GPHN: variants seen among roughly 807,000 people sequenced by gnomAD.
GPHN encodes the protein gephyrin.
A neutral mutation model predicts 95.5 loss-of-function variants in GPHN; 17 were observed. The ratio of observed to expected loss-of-function variants is 0.18; its 90% CI spans 0.12 to 0.27. The LOEUF is 0.27. Among genes scored for constraint, GPHN ranks in the 10% least tolerant of loss-of-function variants. GPHN has a pLI of 1.00. For missense variants in GPHN, 660 were observed against 978.1 expected, an observed-to-expected ratio of 0.67 and a Z score of 4.34; for synonymous variants, 320 against 322.5, an observed-to-expected ratio of 0.99 and a Z score of 0.08.
At chr14:67,019,544 C>T (rs2073491945) in intron 9 of GPHN, among the ~76,000 whole-genome samples, 1 of 152,102 alleles carries the variant, frequency 6.6e-6, no homozygotes, top group Admixed American at 6.6e-5. Context: ...TTTGTGTTAA[C>T]CTGCAATCAA....
the GPHN span, among the ~76,000 whole-genome samples, chr14:67,300,295 T>C: frequency 6.6e-6 from 1 of 151,608 alleles, no homozygotes; most frequent in Non-Finnish European, 1.5e-5. Flanking sequence ...AAAATAGCCA[T>C]AAAAGGTATA....
chr14:67,096,675 G>C (rs2077409986), intron 12 of GPHN, among the ~76,000 whole-genome samples: 1 of 147,710 alleles, frequency 6.8e-6, no homozygotes, highest in African/African-American at 2.5e-5. Flanking sequence ...GAGTGTAGTG[G>C]TACAATCCCA....
chr14:67,596,223 G>A, the GPHN span, among the ~76,000 whole-genome samples: 2 of 150,370 alleles, frequency 1.3e-5, no homozygotes, highest in African/African-American at 4.9e-5. Context: ...CCACCTCCCG[G>A]GTTCAAGTGA....
the GPHN span, chr14:67,320,499 C>T: frequency 7.2e-6 from 8 of 1,112,960 alleles, no homozygotes; most frequent in Non-Finnish European, 9.7e-6. Context: ...CATTAAAACA[C>T]TGTTGTCAGT....
At chr14:67,557,457 G>A in the GPHN span, 33 of 1,597,266 alleles carry the variant, frequency 2.1e-5, no homozygotes, top group Non-Finnish European at 2.6e-5. Context: ...TGCCCTCTTC[G>A]ACATCTGTAC....
At chr14:67,710,531 G>C in the GPHN span, among the ~76,000 whole-genome samples, 1 of 151,794 alleles carries the variant, frequency 6.6e-6, no homozygotes, top group Admixed American at 6.6e-5. Flanking sequence ...TTTACTCTAG[G>C]ACTAAATTTA....
chr14:66,625,055 CT>C (rs1273617685), intron 1 of GPHN, among the ~76,000 whole-genome samples: 2 of 152,044 alleles, frequency 1.3e-5, no homozygotes, highest in Non-Finnish European at 2.9e-5. Flanking sequence ...TTGTTAGTGC[CT>C]TTCAATCTGG....
intron 8 of GPHN, among the ~76,000 whole-genome samples, chr14:66,932,453 T>TTTG (rs2066862597): frequency 8.6e-6 from 1 of 116,574 alleles, no homozygotes; most frequent in African/African-American, 3.2e-5. Flanking sequence ...GGTTTTTTTT[T>TTTG]TTTTTTTTTT....
At chr14:67,596,295 ATTTT>A in the GPHN span, among the ~76,000 whole-genome samples, 1,310 of 60,208 alleles carry the variant, frequency 0.022, 19 homozygotes, top group Non-Finnish European at 0.029. Flanking sequence ...CGCCCAGCTA[ATTTT>A]TTTTTTTTTT....
the GPHN span, chr14:67,292,500 T>G: frequency 9.5e-6 from 15 of 1,571,614 alleles, no homozygotes; most frequent in African/African-American, 1.4e-5. Flanking sequence ...TACCTTTTCT[T>G]CTTCTACTAG....
chr14:67,177,397 T>C (rs1174910700), intron 21 of GPHN, among the ~76,000 whole-genome samples: 5 of 152,242 alleles, frequency 3.3e-5, no homozygotes, highest in African/African-American at 1.2e-4. Flanking sequence ...TTTGAGTAAG[T>C]TTCTTAATCC....
the GPHN span, chr14:67,615,047 C>A: frequency 6.6e-6 from 1 of 152,098 alleles, no homozygotes; most frequent in Admixed American, 6.5e-5. Context: ...CTCCCAGCAA[C>A]CTATTAAGGG....
chr14:67,408,158 T>C, the GPHN span, among the ~76,000 whole-genome samples: 11 of 151,880 alleles, frequency 7.2e-5, no homozygotes, highest in Non-Finnish European at 1.5e-4. Flanking sequence ...TGGTGGTGCA[T>C]GCCTGTAATC....
chr14:67,381,181 T>C, the GPHN span, among the ~76,000 whole-genome samples: 1 of 152,216 alleles, frequency 6.6e-6, no homozygotes, highest in African/African-American at 2.4e-5. Flanking sequence ...TGCTGGGTAA[T>C]GTTTCATAGA....
At chr14:66,967,660 A>C (rs186939823) in intron 9 of GPHN, among the ~76,000 whole-genome samples, 1 of 151,962 alleles carries the variant, frequency 6.6e-6, no homozygotes, top group South Asian at 2.1e-4. Context: ...AGATTTTCAG[A>C]TAGGGATGCT....
chr14:66,657,479 C>A (rs1319515340), intron 1 of GPHN, among the ~76,000 whole-genome samples: 1 of 152,172 alleles, frequency 6.6e-6, no homozygotes, highest in East Asian at 1.9e-4. Context: ...TAAGAAGATG[C>A]CATCTAAGAC....
the GPHN span, among the ~76,000 whole-genome samples, chr14:67,231,914 A>G: frequency 6.6e-6 from 1 of 151,554 alleles, no homozygotes; most frequent in Non-Finnish European, 1.5e-5. Flanking sequence ...GGTTGCAGTG[A>G]GCTGAGATCA....
the GPHN span, among the ~76,000 whole-genome samples, chr14:67,639,731 G>A: frequency 6.6e-6 from 1 of 152,042 alleles, no homozygotes; most frequent in East Asian, 1.9e-4. Flanking sequence ...GACCAGCCTA[G>A]CCAACATGGC....
intron 17 of GPHN, among the ~76,000 whole-genome samples, chr14:67,135,046 A>G (rs1595313723): frequency 7.7e-6 from 1 of 130,284 alleles, no homozygotes; most frequent in Non-Finnish European, 1.5e-5. Context: ...TGCAACCTCC[A>G]TCTCCCAGGT....
Sources: allele counts gnomAD v4.1 joint callset (sites outside exome capture counted in the v4.1 genomes callset), GRCh38; gene constraint gnomAD v4.1.1; transcripts MANE v1.5; gene names NCBI Gene and HGNC (gene_info 2026-07-23, HGNC 2026-07-21).